Variants in SHKBP1 observed in about 807,000 individuals in gnomAD.
The protein encoded by SHKBP1 is SH3KBP1-binding protein 1.
Under a neutral mutation model 83.9 loss-of-function variants are expected in SHKBP1, and 71 were observed. The observed-to-expected ratio is 0.85, with a 90% CI of 0.70 to 1.03. SHKBP1 has a LOEUF of 1.03. Among genes scored for constraint, SHKBP1 ranks in the 50% least tolerant of loss-of-function variants. The pLI is 0.00. For missense variants in SHKBP1, 824 were observed against 982.4 expected, an observed-to-expected ratio of 0.84 and a Z score of 2.16; for synonymous variants, 371 against 398.0, an observed-to-expected ratio of 0.93 and a Z score of 0.81.
chr19:40,588,458 C>G (rs180853172), intron 13 of SHKBP1, among the ~76,000 whole-genome samples, 166 bp from the exon 14 acceptor site: 1 of 152,304 alleles, frequency 6.6e-6, no homozygotes, highest in Non-Finnish European at 1.5e-5. Context: ...GCAGAGGCAA[C>G]AGGGTTTTTA....
At chr19:40,577,353 C>G in intron 2 of SHKBP1, 43 bp from the exon 3 acceptor site, 1 of 1,613,838 alleles carries the variant, frequency 6.2e-7, no homozygotes, top group Non-Finnish European at 8.5e-7. Context: ...CTAATATCCA[C>G]TCCCCCGGCC....
intron 9 of SHKBP1, 40 bp from the exon 10 acceptor site, chr19:40,582,311 T>G: frequency 6.5e-7 from 1 of 1,529,384 alleles, no homozygotes; most frequent in Non-Finnish European, 9.1e-7. Context: ...TCCTCCTCCA[T>G]GAGGCAGGGT....
Position 40,589,102 on chromosome 19 carries a change from G to C in SHKBP1, c.1513G>C (p.Asp505His). 6.2e-7 allele frequency: 1 copy of C among 1,613,048 alleles called. No homozygotes were observed. The highest frequency in any genetic ancestry group is 8.5e-7 in the Non-Finnish European group (1 of 1,180,008). Reference sequence around the variant, plus strand: ...CCCAGGCCCCTACGGTGAGCGGGACGACCAGCAAGTGTTCATCCAGAAGGT... The same window carrying C: ...CCCAGGCCCCTACGGTGAGCGGGACCACCAGCAAGTGTTCATCCAGAAGGT... ...NDIGPYGERD[D>H]QQVFIQKVVP... The change falls in exon 15 of 18, where the codon GAC becomes CAC. Residue 505 changes from aspartate to histidine, a missense_variant. Physicochemically the swap from Asp to His is moderately conservative, Grantham distance 81. This residue lies in a region of SHKBP1 where 287 missense variants were observed against 322.9 expected (regional missense o/e 0.89). Coordinates refer to ENST00000291842, the MANE Select transcript of SHKBP1 (RefSeq NM_138392.4).
In SHKBP1 at chr19:40,590,681, G is replaced by C; in HGVS notation, c.1769-49G>C. On this transcript the variant is annotated intron_variant, in intron 16 of 17. Transcript: ENST00000291842. This position sits in a 1 kb window ranked among gnomAD's most constrained non-coding sequence, Gnocchi z 4.6. ...GCACTGCAATGCAACCCAGGCCCTT[G>C]CCCTATGACCCCTGTCTTGCCCCCT... 1 of 1,533,276 alleles carries C rather than the reference G, an allele frequency of 6.5e-7. No homozygotes were observed. Among genetic ancestry groups the C allele is most frequent in the Non-Finnish European group, 8.8e-7 (1 of 1,138,498 alleles). The allele number at this position is 1,533,276 out of a possible 1,614,324, so 95.0% of individuals were successfully genotyped here. A position where few individuals can be genotyped will look rare whatever the true frequency, so the allele number is the denominator to read the frequency against.
intron 9 of SHKBP1, 24 bp from the exon 10 acceptor site, chr19:40,582,327 C>A (rs781646732): frequency 1.9e-6 from 3 of 1,589,504 alleles, no homozygotes; most frequent in Non-Finnish European, 8.6e-7. Flanking sequence ...AGGGTTCCAG[C>A]TGAGCCCTTT....
Position 40,586,997 on chromosome 19 carries a change from G to A in SHKBP1, c.1336+53G>A, listed in dbSNP as rs1599845903. On this transcript the variant is annotated intron_variant, in intron 13 of 17. Transcript: ENST00000291842. ...TGGGAGAGACAGCTCAGATGGGAGT[G>A]TGGAGACAGGAGGATGAGAATTTCC... 3 of 1,484,510 alleles carry A rather than the reference G, an allele frequency of 2.0e-6. No individual in the cohort carries two copies. The East Asian group carries it at 7.1e-5, about 35-fold the overall frequency. 92.0% of individuals were successfully genotyped at this position (1,484,510 alleles called of 1,614,324 possible).
At chr19:40,579,312 A>C (rs1292638854) in intron 6 of SHKBP1, among the ~76,000 whole-genome samples, 2 of 152,124 alleles carry the variant, frequency 1.3e-5, no homozygotes, top group African/African-American at 2.4e-5. Context: ...TTTTAAATGC[A>C]AGCTTTATAT....
chr19:40,582,296 A>G, intron 9 of SHKBP1, 55 bp from the exon 10 acceptor site: 2 of 1,412,914 alleles, frequency 1.4e-6, no homozygotes, highest in South Asian at 2.3e-5. Context: ...TCTTCCTCCC[A>G]CCTCTCCTCC....
In SHKBP1 at chr19:40,586,244, C is replaced by T. The variant is rs2081310889; in HGVS notation, c.1166-530C>T. On this transcript the variant is annotated intron_variant, in intron 12 of 17. Transcript: ENST00000291842. ...AATTTCTGTCTCTGGGCCTCTCCTC[C>T]TTTGACCTGTGCCTTTGTCTCCCTG... 5.9e-5 allele frequency among the ~76,000 whole-genome samples: 9 copies of T among 152,244 alleles called. No homozygotes were observed. The South Asian group carries it at 1.7e-3, about 28-fold the overall frequency.
chr19:40,585,407 TAGC>T (rs773392287), intron 12 of SHKBP1, among the ~76,000 whole-genome samples: 37 of 152,216 alleles, frequency 2.4e-4, no homozygotes, highest in Non-Finnish European at 5.3e-4. Context: ...TGCTTGGCCA[TAGC>T]TGCTGCTGCT....
chr19:40,579,175 C>G (rs536792469), intron 6 of SHKBP1, among the ~76,000 whole-genome samples: 3 of 151,932 alleles, frequency 2.0e-5, no homozygotes, highest in African/African-American at 7.3e-5. Context: ...TGCAGTGGTG[C>G]GATCTTGGCT....
In SHKBP1 at chr19:40,586,703, GTTTC is replaced by G. The variant is rs2081314975; in HGVS notation, c.1166-65_1166-62del. The stretch of plus-strand genomic sequence containing the variant: ...CTGACTGTGTCTCTGTTCTGTGCCT[GTTTC>G]TTTCTCCCTGCCCTGGTTTCTGTCT... On this transcript the variant is annotated intron_variant, in intron 12 of 17. Coordinates refer to ENST00000291842, the MANE Select transcript of SHKBP1 (RefSeq NM_138392.4). 2.2e-6 allele frequency: 3 copies of G among 1,392,470 alleles called. No homozygotes were observed. In the African/African-American group the frequency reaches 4.4e-5, roughly 21 times the overall value. 86.3% of individuals were successfully genotyped at this position (1,392,470 alleles called of 1,614,324 possible). A position where few individuals can be genotyped will look rare whatever the true frequency, so the allele number is the denominator to read the frequency against.
intron 13 of SHKBP1, 45 bp from the exon 14 acceptor site, chr19:40,588,579 A>C: frequency 6.2e-7 from 1 of 1,610,722 alleles, no homozygotes; most frequent in Non-Finnish European, 8.5e-7. Context: ...GGCAGCATTG[A>C]TGCCTGCACC....
Position 40,577,762 on chromosome 19 carries a change from C to A in SHKBP1, c.260+132C>A, listed in dbSNP as rs2081230876. Reference sequence around the variant, plus strand: ...TTCAGAACCTTGATCACAGGCCGGGCGCGCCGGGATTGCTCACGCCTGTAA... The same window carrying A: ...TTCAGAACCTTGATCACAGGCCGGGAGCGCCGGGATTGCTCACGCCTGTAA... On this transcript the variant is annotated intron_variant, in intron 4 of 17. Coordinates refer to ENST00000291842, the MANE Select transcript of SHKBP1 (RefSeq NM_138392.4). 4 of 1,182,712 alleles carry A rather than the reference C, an allele frequency of 3.4e-6. No individual in the cohort carries two copies. In the African/African-American group the frequency reaches 4.5e-5, roughly 13 times the overall value. The allele number at this position is 1,182,712 out of a possible 1,614,324, so 73.3% of individuals were successfully genotyped here. A position where few individuals can be genotyped will look rare whatever the true frequency, so the allele number is the denominator to read the frequency against.
At chr19:40,578,092 C>G in intron 4 of SHKBP1, 62 bp from the exon 5 acceptor site, 17 of 1,387,222 alleles carry the variant, frequency 1.2e-5, no homozygotes, top group Non-Finnish European at 1.7e-5. Flanking sequence ...AAATTACCCT[C>G]TCAGCATTCT....
intron 9 of SHKBP1, among the ~76,000 whole-genome samples, chr19:40,581,889 C>T (rs2081273080): frequency 1.3e-5 from 2 of 151,982 alleles, no homozygotes; most frequent in South Asian, 4.2e-4. Context: ...ATCTTCTGGC[C>T]CATTTTATCT....
chr19:40,577,415 T>C lies in SHKBP1; in HGVS notation c.160T>C (p.Ser54Pro). The C allele has an allele frequency of 6.2e-7, 1 of 1,612,530 alleles. No individual in the cohort carries two copies. Among genetic ancestry groups the C allele is most frequent in the South Asian group, 1.1e-5 (1 of 91,016 alleles). ...CTGCAGTCTTCTGAGCGGACGCATCTCGACGCTGAAAGATGAGACCGGAGC... is the reference window on the plus strand; with the variant it reads ...CTGCAGTCTTCTGAGCGGACGCATCCCGACGCTGAAAGATGAGACCGGAGC... ...FFSSLLSGRI[S>P]TLKDETGAIF... is the part of the protein sequence containing the mutation. The change falls in exon 3 of 18, where the codon TCG becomes CCG. Residue 54 changes from serine (S) to proline (P), a missense_variant. Physicochemically the swap from Ser to Pro is moderately conservative, Grantham distance 74. Around this residue, in one of 3 missense-constraint regions of SHKBP1, gnomAD observed 355 missense variants for 386.4 expected, o/e 0.92. Transcript: ENST00000291842.
rs561082476 is a variant in SHKBP1, at chr19:40,576,944, G to A, written c.45G>A (p.Gly15=). The A allele has an allele frequency of 2.0e-6, 3 of 1,498,332 alleles. No homozygotes were observed. Among genetic ancestry groups the A allele is most frequent in the Non-Finnish European group, 2.7e-6 (3 of 1,128,104 alleles). The allele number at this position is 1,498,332 out of a possible 1,614,324, so 92.8% of individuals were successfully genotyped here. A position where few individuals can be genotyped will look rare whatever the true frequency, so the allele number is the denominator to read the frequency against. ...CAGCCGAGGGGGTCCCCAGTCGGGGGCCTCCCGGGGAAGTCATTCATCTGA... is the reference window on the plus strand; with the variant it reads ...CAGCCGAGGGGGTCCCCAGTCGGGGACCTCCCGGGGAAGTCATTCATCTGA... ...ATAAEGVPSR[G]PPGEVIHLNV... Residue 15 remains glycine, a synonymous_variant, in exon 1 of 18, where the codon GGG becomes GGA. Transcript: ENST00000291842.
rs2081356254 is a variant in SHKBP1 at position 40,591,085 on chromosome 19, C to T, written c.2002C>T (p.Gln668Ter). 1.2e-6 allele frequency: 2 copies of T among 1,612,906 alleles called. No homozygotes were observed. Among genetic ancestry groups the T allele is most frequent in the Non-Finnish European group, 1.7e-6 (2 of 1,179,332 alleles). ...RGGGSFVERCQELVRSGPDLR... is the reference protein window; with the variant it reads ...RGGGSFVERC ...TGGGGGCAGCTTTGTGGAACGCTGC[C>T]AGGAACTGGTGCGGAGTGGGCCAGA... The change falls in exon 18 of 18, where the codon CAG becomes TAG. Residue 668 changes from glutamine to a stop codon, truncating the protein, a stop_gained. Transcript: ENST00000291842. LOFTEE classifies it high-confidence loss of function.
Sources: gnomAD v4.1 joint callset for allele counts (sites outside exome capture counted in the v4.1 genomes callset) on GRCh38, gnomAD v4.1.1 for gene constraint, gnomAD v4.1.1 regional missense constraint, Gnocchi (gnomAD v3.1) non-coding constraint, MANE v1.5 for transcripts, NCBI Gene and HGNC (gene_info 2026-07-23, HGNC 2026-07-21) for gene names.